Variants in DSCAM observed in about 807,000 individuals in gnomAD.
The protein encoded by DSCAM is cell adhesion molecule DSCAM.
Under a neutral mutation model 217.7 loss-of-function variants are expected in DSCAM, and 47 were observed. That is an observed-to-expected ratio of 0.22 (90% CI 0.17 to 0.28). DSCAM has a LOEUF of 0.28. DSCAM is among the 10% of genes least tolerant of loss of function. The pLI is 1.00. For synonymous variants in DSCAM, 1,056 were observed against 1,015.3 expected, an observed-to-expected ratio of 1.04 and a Z score of -0.76; for missense variants, 2,080 against 2,618.3, an observed-to-expected ratio of 0.79 and a Z score of 4.49.
chr21:40,163,153 T>C (rs1192873541), intron 16 of DSCAM, among the ~76,000 whole-genome samples: 1 of 151,082 alleles, frequency 6.6e-6, no homozygotes, highest in Non-Finnish European at 1.5e-5. Flanking sequence ...TTAATTTGCA[T>C]CCAAAGAGGG....
At chr21:40,115,489 C>T (rs1018328773) in intron 20 of DSCAM, among the ~76,000 whole-genome samples, 1 of 152,078 alleles carries the variant, frequency 6.6e-6, no homozygotes, top group Non-Finnish European at 1.5e-5. Flanking sequence ...GGGTGCAGCA[C>T]ACCAACATGG....
rs560724685 is a variant in DSCAM, at chr21:40,111,743, A to G, written c.3696+12452T>C. Among the ~76,000 whole-genome samples the G allele has an allele frequency of 2.3e-4, 35 of 152,248 alleles. No homozygotes were observed. In the South Asian group the frequency reaches 7.3e-3, roughly 32 times the overall value. ...AAGATCTACCAAGCAAATAGAAAAC[A>G]AAAAAAGGCAGGGGTTGCAATCCCA... On this transcript the variant is annotated intron_variant, in intron 20 of 32. Transcript: ENST00000400454.
intron 3 of DSCAM, among the ~76,000 whole-genome samples, chr21:40,673,514 T>A (rs1601839220): frequency 6.6e-6 from 1 of 152,130 alleles, no homozygotes; most frequent in South Asian, 2.1e-4. Context: ...TTGGAAGTAG[T>A]TTTTTCTAAA....
At position 40,459,531 on chromosome 21, in the gene DSCAM, A is replaced by G. The variant is rs138575137; in HGVS notation, c.509-90286T>C. Among the ~76,000 whole-genome samples the G allele has an allele frequency of 9.2e-5, 14 of 152,338 alleles. No homozygotes were observed. In the East Asian group the frequency reaches 1.7e-3, roughly 19 times the overall value. On this transcript the variant is annotated intron_variant, in intron 3 of 32. Coordinates refer to ENST00000400454, the MANE Select transcript of DSCAM (RefSeq NM_001389.5). Reference sequence around the variant, plus strand: ...AAGCATGCTTTCAGATCCAAGATCCATGCACAATAGAAACAAAAAGCATAA... The same window carrying G: ...AAGCATGCTTTCAGATCCAAGATCCGTGCACAATAGAAACAAAAAGCATAA...
chr21:40,260,590 C>T (rs1157039674), intron 11 of DSCAM, among the ~76,000 whole-genome samples: 1 of 152,204 alleles, frequency 6.6e-6, no homozygotes, highest in African/African-American at 2.4e-5. Context: ...GTGAGCATCA[C>T]AACCAGGCAC....
At chr21:40,609,953 G>A (rs1035154078) in intron 3 of DSCAM, among the ~76,000 whole-genome samples, 2 of 152,194 alleles carry the variant, frequency 1.3e-5, no homozygotes, top group African/African-American at 4.8e-5. Context: ...GTCCAACAAA[G>A]AGGTCACAGT....
intron 10 of DSCAM, among the ~76,000 whole-genome samples, chr21:40,288,201 T>G (rs562851403): frequency 7.6e-4 from 115 of 152,148 alleles, no homozygotes; most frequent in Non-Finnish European, 1.3e-3. Context: ...GAAAACCAGA[T>G]GCCGTAGCTT....
chr21:40,028,592 G>T (rs1188173949), intron 32 of DSCAM, among the ~76,000 whole-genome samples: 1 of 152,186 alleles, frequency 6.6e-6, no homozygotes, highest in Non-Finnish European at 1.5e-5. Flanking sequence ...ACAGTATTCG[G>T]GTGGGAGTGA....
At chr21:40,504,623 G>A (rs2076196155) in intron 3 of DSCAM, among the ~76,000 whole-genome samples, 1 of 152,148 alleles carries the variant, frequency 6.6e-6, no homozygotes, top group Non-Finnish European at 1.5e-5. Flanking sequence ...CTCAAATAAT[G>A]CGTGACACAA....
At chr21:40,217,150 AG>A (rs1334188252) in intron 11 of DSCAM, among the ~76,000 whole-genome samples, 2 of 152,214 alleles carry the variant, frequency 1.3e-5, no homozygotes, top group African/African-American at 4.8e-5. Context: ...AAGTCTCAGA[AG>A]ACTATGTATA....
At position 40,187,045 on chromosome 21, in the gene DSCAM, C is replaced by T. The variant is rs137880825; in HGVS notation, c.2779+86G>A. 115 of 1,516,194 alleles carry T rather than the reference C, an allele frequency of 7.6e-5. No individual in the cohort carries two copies. In the African/African-American group the frequency reaches 1.1e-3, roughly 14 times the overall value. The allele number at this position is 1,516,194 out of a possible 1,614,324, so 93.9% of individuals were successfully genotyped here. On this transcript the variant is annotated intron_variant, in intron 14 of 32. Coordinates refer to ENST00000400454, the MANE Select transcript of DSCAM (RefSeq NM_001389.5). ...CTGAGCTCCTGTGAGCTGAGCTGTG[C>T]GCTTACAGGTAAAACACATTAATAA...
chr21:40,564,441 T>C (rs532498804), intron 3 of DSCAM, among the ~76,000 whole-genome samples: 7 of 152,170 alleles, frequency 4.6e-5, no homozygotes, highest in Admixed American at 1.3e-4. Flanking sequence ...GAAGAGGCAG[T>C]GTTGCTTTAT....
chr21:40,462,211 C>T (rs897203121), intron 3 of DSCAM, among the ~76,000 whole-genome samples: 1 of 152,142 alleles, frequency 6.6e-6, no homozygotes, highest in East Asian at 1.9e-4. Context: ...AGCCATACCA[C>T]CCACAAACAG....
intron 3 of DSCAM, among the ~76,000 whole-genome samples, chr21:40,449,463 A>G (rs2837633): frequency 0.36 from 54,841 of 152,070 alleles, 11,142 homozygotes; most frequent in African/African-American, 0.54. Flanking sequence ...GAAATGAAAG[A>G]TGAAAAGAAA....
intron 1 of DSCAM, among the ~76,000 whole-genome samples, chr21:40,778,649 AGAAG>A (rs2091510984): frequency 6.6e-6 from 1 of 152,230 alleles, no homozygotes; most frequent in Non-Finnish European, 1.5e-5. Context: ...AAACAAAGAA[AGAAG>A]GATGTATAAG....
intron 3 of DSCAM, among the ~76,000 whole-genome samples, chr21:40,375,470 G>T (rs1265244921): frequency 1.3e-5 from 2 of 152,150 alleles, no homozygotes; most frequent in African/African-American, 4.8e-5. Context: ...CTGACTGGAG[G>T]CTCTGAGCCC....
At chr21:40,234,098 C>T (rs1210303849) in intron 11 of DSCAM, among the ~76,000 whole-genome samples, 5 of 152,178 alleles carry the variant, frequency 3.3e-5, no homozygotes, top group South Asian at 2.1e-4. Context: ...CTGGCTAGCA[C>T]GGAACATGGC....
intron 3 of DSCAM, among the ~76,000 whole-genome samples, chr21:40,456,262 G>T (rs1290605452): frequency 6.6e-6 from 1 of 151,522 alleles, no homozygotes; most frequent in Admixed American, 6.6e-5. Context: ...TTCATTAATT[G>T]GACTTTTGTA....
At chr21:40,218,723 T>A (rs934759388) in intron 11 of DSCAM, among the ~76,000 whole-genome samples, 3 of 152,176 alleles carry the variant, frequency 2.0e-5, no homozygotes, top group Admixed American at 2.0e-4. Flanking sequence ...GGTTAGCTGG[T>A]ATTTTTAGAA....
Sources: allele counts gnomAD v4.1 joint callset (sites outside exome capture counted in the v4.1 genomes callset), GRCh38; gene constraint gnomAD v4.1.1; transcripts MANE v1.5; gene names NCBI Gene and HGNC (gene_info 2026-07-23, HGNC 2026-07-21).